CLYBL: variants seen among roughly 807,000 people sequenced by gnomAD.
CLYBL encodes the protein citramalyl-CoA lyase.
In CLYBL, 31 loss-of-function variants were observed where a neutral mutation model predicts 38.9. The ratio of observed to expected loss-of-function variants is 0.80; its 90% CI spans 0.60 to 1.08. The LOEUF (loss-of-function observed/expected upper bound fraction) is 1.08, where lower values mean the gene tolerates loss of function less well. Among genes scored for constraint, CLYBL ranks in the 50% least tolerant of loss-of-function variants. The probability of loss-of-function intolerance (pLI) is 0.00; values close to 1 mark genes in which losing one functional copy is unlikely to be tolerated. For synonymous variants in CLYBL, 171 were observed against 158.6 expected (o/e 1.08, Z -0.59); for missense variants, 434 against 411.6 (o/e 1.05, Z -0.47).
chr13:99,822,396 G>A (rs1391851505), intron 2 of CLYBL, among the ~76,000 whole-genome samples: 1 of 152,202 alleles, frequency 6.6e-6, no homozygotes, highest in Non-Finnish European at 1.5e-5. Flanking sequence ...AGAAGTCAAA[G>A]AAATGGTTCA....
chr13:99,823,487 G>A (rs929320178), intron 2 of CLYBL, among the ~76,000 whole-genome samples: 2 of 152,190 alleles, frequency 1.3e-5, no homozygotes, highest in Non-Finnish European at 2.9e-5. Flanking sequence ...TCCATGAGCC[G>A]CTGGCAACCA....
intron 2 of CLYBL, among the ~76,000 whole-genome samples, chr13:99,833,888 G>A (rs929979561): frequency 4.0e-5 from 6 of 151,696 alleles, no homozygotes; most frequent in African/African-American, 1.2e-4. Flanking sequence ...TTTTAGTAGA[G>A]ATGGGGTTTC....
In CLYBL at chr13:99,793,602, A is replaced by T. The variant is rs138735941; in HGVS notation, c.249+20592A>T. Among the ~76,000 whole-genome samples the T allele has an allele frequency of 5.6e-3, 852 of 152,186 alleles. 20 individuals are homozygous for T. The highest frequency in any genetic ancestry group is 0.044 in the Admixed American group (677 of 15,282). ...AAAAATAAATAAAAAACAACAAAAA[A>T]TTTTTTCTCATTGTTTTATTCTTCA... On this transcript the variant is annotated intron_variant, in intron 2 of 8. Coordinates refer to ENST00000339105, the MANE Select transcript of CLYBL (RefSeq NM_206808.5).
chr13:99,813,142 G>GA lies in CLYBL; in HGVS notation c.249+40141dup, dbSNP rs200648542. 6.5e-3 allele frequency among the ~76,000 whole-genome samples: 968 copies of GA among 149,340 alleles called. 12 individuals are homozygous for GA. The highest frequency in any genetic ancestry group is 0.022 in the African/African-American group (909 of 40,752). On this transcript the variant is annotated intron_variant, in intron 2 of 8. Transcript: ENST00000339105. ...TGAACCATTTTTATTTTTGTCTCAGGAAAAAAAAATGAAATGATACTGCCG... is the reference window on the plus strand; with the variant it reads ...TGAACCATTTTTATTTTTGTCTCAGGAAAAAAAAAATGAAATGATACTGCCG...
chr13:99,649,989 C>T (rs1310529229), intron 1 of CLYBL, among the ~76,000 whole-genome samples: 1 of 152,102 alleles, frequency 6.6e-6, no homozygotes, highest in Non-Finnish European at 1.5e-5. Flanking sequence ...GTAGGCCAAG[C>T]GCAGTGGCTC....
At chr13:99,653,241 A>G (rs1426584119) in intron 1 of CLYBL, among the ~76,000 whole-genome samples, 1 of 152,120 alleles carries the variant, frequency 6.6e-6, no homozygotes, top group Non-Finnish European at 1.5e-5. Context: ...AAGCACTAGG[A>G]GCACCTGTGG....
At position 99,737,165 on chromosome 13, in the gene CLYBL, C is replaced by A. The variant is rs1385947880; in HGVS notation, c.63-35659C>A. Among the ~76,000 whole-genome samples, 3 of 134,468 alleles carry A rather than the reference C, an allele frequency of 2.2e-5. No individual in the cohort carries two copies. The East Asian group carries it at 5.8e-4, about 26-fold the overall frequency. The allele number at this position is 134,468 out of a possible 152,430, so 88.2% of individuals were successfully genotyped here. On this transcript the variant is annotated intron_variant, in intron 1 of 8. Coordinates refer to ENST00000339105, the MANE Select transcript of CLYBL (RefSeq NM_206808.5). ...GTTGATACAAATCCATCTTTATTTT[C>A]TGCAGGGCCAGCTCCTTAGCCCAGC... is the stretch of plus-strand genomic sequence containing the variant.
chr13:99,747,215 C>T (rs2048867111), intron 1 of CLYBL, among the ~76,000 whole-genome samples: 1 of 147,216 alleles, frequency 6.8e-6, no homozygotes, highest in South Asian at 2.2e-4. Context: ...TCCTCTCCCC[C>T]CCGCCCCACC....
intron 2 of CLYBL, among the ~76,000 whole-genome samples, chr13:99,845,375 G>A (rs2139140895): frequency 6.6e-6 from 1 of 152,240 alleles, no homozygotes; most frequent in East Asian, 1.9e-4. Flanking sequence ...AAATTAACCT[G>A]CTTGTTCTCA....
At chr13:99,776,510 G>T (rs1279477767) in intron 2 of CLYBL, among the ~76,000 whole-genome samples, 1 of 145,014 alleles carries the variant, frequency 6.9e-6, no homozygotes, top group African/African-American at 2.5e-5. Flanking sequence ...AAAAAAAGTT[G>T]TTTTTTTTTT....
chr13:99,671,944 A>G (rs1471485894), intron 1 of CLYBL, among the ~76,000 whole-genome samples: 1 of 152,118 alleles, frequency 6.6e-6, no homozygotes, highest in East Asian at 1.9e-4. Context: ...CCCTTCTCAC[A>G]TCCTCGCCCT....
At chr13:99,859,144 G>A in intron 3 of CLYBL, 95 bp downstream of exon 3, 1 of 826,426 alleles carries the variant, frequency 1.2e-6, no homozygotes. Context: ...GAAAATGCAT[G>A]CAGAGAGCAG....
At chr13:99,882,878 C>A (rs925600650) in intron 7 of CLYBL, among the ~76,000 whole-genome samples, 5 of 151,992 alleles carry the variant, frequency 3.3e-5, no homozygotes, top group African/African-American at 1.2e-4. Context: ...GACATCCTTT[C>A]CCCTAGATCT....
At chr13:99,768,077 C>A (rs1033223421) in intron 1 of CLYBL, among the ~76,000 whole-genome samples, 4 of 152,012 alleles carry the variant, frequency 2.6e-5, no homozygotes, top group African/African-American at 9.7e-5. Flanking sequence ...GATTCTCCCC[C>A]TCCCCTGGGC....
At chr13:99,661,895 C>A (rs1254663187) in intron 1 of CLYBL, among the ~76,000 whole-genome samples, 1 of 152,168 alleles carries the variant, frequency 6.6e-6, no homozygotes, top group Admixed American at 6.5e-5. Flanking sequence ...GCCTGTCAGC[C>A]TCCCCTGCCC....
chr13:99,700,404 A>G (rs1028210487), intron 1 of CLYBL, among the ~76,000 whole-genome samples: 7 of 152,206 alleles, frequency 4.6e-5, no homozygotes, highest in Non-Finnish European at 1.0e-4. Flanking sequence ...AGATCGCACC[A>G]TTGCACTCCA....
intron 1 of CLYBL, among the ~76,000 whole-genome samples, chr13:99,714,701 A>C (rs1292695766): frequency 1.3e-5 from 2 of 151,204 alleles, no homozygotes; most frequent in African/African-American, 4.9e-5. Context: ...TAATCCCAGC[A>C]CTTTGGGAGG....
intron 1 of CLYBL, among the ~76,000 whole-genome samples, chr13:99,650,339 T>C (rs2047234700): frequency 6.6e-6 from 1 of 152,060 alleles, no homozygotes; most frequent in Non-Finnish European, 1.5e-5. Context: ...GGAGGATTGC[T>C]TGAGCCCAGG....
chr13:99,750,570 A>G (rs1229585984), intron 1 of CLYBL, among the ~76,000 whole-genome samples: 2 of 151,992 alleles, frequency 1.3e-5, no homozygotes, highest in East Asian at 3.9e-4. Flanking sequence ...GCTACTCGGG[A>G]GGCTGAGGCA....
Sources: gnomAD v4.1 joint callset for allele counts (sites outside exome capture counted in the v4.1 genomes callset) on GRCh38, gnomAD v4.1.1 for gene constraint, MANE v1.5 for transcripts, NCBI Gene and HGNC (gene_info 2026-07-23, HGNC 2026-07-21) for gene names.